FBP1: variants seen among roughly 807,000 people sequenced by gnomAD.
FBP1 encodes the protein fructose-1,6-bisphosphatase 1.
FBP1 carries 22 observed loss-of-function variants against 29.9 expected under a neutral mutation model. The observed-to-expected ratio is 0.74, with a 90% CI of 0.53 to 1.05. The LOEUF (loss-of-function observed/expected upper bound fraction) is 1.05, where lower values mean the gene tolerates loss of function less well. FBP1 is among the 50% of genes least tolerant of loss of function. FBP1 has a pLI of 0.00. For missense variants in FBP1, 345 were observed against 448.2 expected (o/e 0.77, Z 2.08); for synonymous variants, 175 against 178.6 (o/e 0.98, Z 0.16).
chr9:94,617,980 T>A, intron 2 of FBP1, 120 bp from the exon 3 acceptor site: 1 of 750,930 alleles, frequency 1.3e-6, no homozygotes, highest in Non-Finnish European at 2.3e-6. Context: ...GGGTCTTATT[T>A]ATTTGTACTG....
chr9:94,613,579 A>G (rs1827817256), intron 3 of FBP1, among the ~76,000 whole-genome samples: 1 of 152,072 alleles, frequency 6.6e-6, no homozygotes, highest in Non-Finnish European at 1.5e-5. Flanking sequence ...AGCCTGGGAA[A>G]CATAGCGAGA....
chr9:94,610,866 CTTTTT>C (rs5899227), intron 3 of FBP1, among the ~76,000 whole-genome samples: 7,978 of 143,894 alleles, frequency 0.055, 690 homozygotes, highest in African/African-American at 0.19. Context: ...TGATTTTCTT[CTTTTT>C]TTTTTTTTTT....
intron 1 of FBP1, among the ~76,000 whole-genome samples, chr9:94,621,379 G>A (rs1827947571): frequency 7.3e-6 from 1 of 137,752 alleles, no homozygotes; most frequent in Non-Finnish European, 1.5e-5. Flanking sequence ...CTGGGCGACA[G>A]AGCAAGATTC....
At chr9:94,613,637 G>A (rs1280264296) in intron 3 of FBP1, among the ~76,000 whole-genome samples, 1 of 152,090 alleles carries the variant, frequency 6.6e-6, no homozygotes, top group Non-Finnish European at 1.5e-5. Context: ...GTGTGGTGGT[G>A]CACCTGTAGT....
At chr9:94,638,252 T>G in intron 1 of FBP1, among the ~76,000 whole-genome samples, 1 of 152,164 alleles carries the variant, frequency 6.6e-6, no homozygotes. Context: ...AAACAGTATC[T>G]GATGGGCAGC....
chr9:94,629,173 G>T (rs1828067064), intron 1 of FBP1, among the ~76,000 whole-genome samples: 1 of 151,882 alleles, frequency 6.6e-6, no homozygotes, highest in Non-Finnish European at 1.5e-5. Flanking sequence ...GTAGAGACAG[G>T]GTCTCACCAT....
At chr9:94,615,838 T>G (rs1182075704) in intron 3 of FBP1, among the ~76,000 whole-genome samples, 1 of 151,802 alleles carries the variant, frequency 6.6e-6, no homozygotes, top group Non-Finnish European at 1.5e-5. Flanking sequence ...TTCTTTTTTT[T>G]TTTTTTTGAG....
At chr9:94,628,085 A>T (rs577593576) in intron 1 of FBP1, among the ~76,000 whole-genome samples, 1 of 152,328 alleles carries the variant, frequency 6.6e-6, no homozygotes, top group South Asian at 2.1e-4. Flanking sequence ...TGTTTTCTGA[A>T]TAAAAGTTAT....
chr9:94,630,592 T>G (rs1229169947), intron 1 of FBP1, among the ~76,000 whole-genome samples: 1 of 152,188 alleles, frequency 6.6e-6, no homozygotes, highest in Non-Finnish European at 1.5e-5. Context: ...GTCTGCTTCA[T>G]AGTCTACAGA....
intron 1 of FBP1, among the ~76,000 whole-genome samples, chr9:94,620,894 C>T (rs1827936941): frequency 6.6e-6 from 1 of 152,096 alleles, no homozygotes; most frequent in African/African-American, 2.4e-5. Context: ...CATGTGTATC[C>T]CAGAACTTAA....
chr9:94,603,630 A>G lies in FBP1; in HGVS notation c.826-58T>C, dbSNP rs1007176419. 3.3e-6 allele frequency: 5 copies of G among 1,507,742 alleles called. 1 individual carries two copies. The South Asian group carries it at 5.6e-5, about 17-fold the overall frequency. The allele number at this position is 1,507,742 out of a possible 1,614,324, so 93.4% of individuals were successfully genotyped here. A position where few individuals can be genotyped will look rare whatever the true frequency, so the allele number is the denominator to read the frequency against. The stretch of plus-strand genomic sequence containing the variant: ...TATCAGAAGGTATTGCGTAAAAAAG[A>G]GACTTTTCTGCAGCAAAACATGCAG... On this transcript the variant is annotated intron_variant, in intron 6 of 6. Coordinates refer to ENST00000375326, the MANE Select transcript of FBP1 (RefSeq NM_000507.4).
At chr9:94,604,348 C>A (rs1827663638) in intron 6 of FBP1, among the ~76,000 whole-genome samples, 1 of 152,170 alleles carries the variant, frequency 6.6e-6, no homozygotes, top group Non-Finnish European at 1.5e-5. Context: ...ATGCCCGAGG[C>A]AGCTACAGCT....
chr9:94,606,046 T>C (rs1269688926), intron 5 of FBP1, among the ~76,000 whole-genome samples: 1 of 151,886 alleles, frequency 6.6e-6, no homozygotes, highest in African/African-American at 2.4e-5. Flanking sequence ...TGTGCGGAGC[T>C]TGGGGGCAGG....
At chr9:94,634,299 A>G (rs1248078587) in intron 1 of FBP1, among the ~76,000 whole-genome samples, 3 of 150,022 alleles carry the variant, frequency 2.0e-5, no homozygotes, top group Non-Finnish European at 4.4e-5. Flanking sequence ...GCCTCAAAAA[A>G]AAAAAAAAGA....
intron 3 of FBP1, among the ~76,000 whole-genome samples, chr9:94,616,917 C>CCTCT (rs57093330): frequency 1.5e-4 from 23 of 149,258 alleles, no homozygotes; most frequent in African/African-American, 4.0e-4. Flanking sequence ...TCCTCTCTCT[C>CCTCT]CTCTCTCTCT....
At chr9:94,629,018 G>A (rs934874826) in intron 1 of FBP1, among the ~76,000 whole-genome samples, 1 of 152,086 alleles carries the variant, frequency 6.6e-6, no homozygotes, top group Non-Finnish European at 1.5e-5. Context: ...GTCTCGCTCC[G>A]TCACCCAGGC....
chr9:94,627,760 C>T (rs1433770941), intron 1 of FBP1, among the ~76,000 whole-genome samples: 2 of 152,198 alleles, frequency 1.3e-5, no homozygotes, highest in African/African-American at 4.8e-5. Flanking sequence ...TTGCCATTCT[C>T]TAGGGATGGG....
chr9:94,623,890 T>C (rs1827983479), intron 1 of FBP1, among the ~76,000 whole-genome samples: 2 of 152,168 alleles, frequency 1.3e-5, no homozygotes. Context: ...ATGAAAAAGA[T>C]ATGTCAGATA....
chr9:94,612,052 C>CT (rs1456780823), intron 3 of FBP1, among the ~76,000 whole-genome samples: 15 of 152,302 alleles, frequency 9.8e-5, no homozygotes, highest in Middle Eastern at 6.8e-3. Flanking sequence ...GGTTTGTATT[C>CT]ACCAGACAGT....
Sources: allele counts gnomAD v4.1 joint callset (sites outside exome capture counted in the v4.1 genomes callset), GRCh38; gene constraint gnomAD v4.1.1; transcripts MANE v1.5; gene names NCBI Gene and HGNC (gene_info 2026-07-23, HGNC 2026-07-21).